CDH9: variants seen among roughly 807,000 people sequenced by gnomAD.
CDH9 encodes the protein cadherin-9.
A neutral mutation model predicts 70.9 loss-of-function variants in CDH9; 28 were observed. The observed-to-expected ratio is 0.40, with a 90% CI of 0.29 to 0.54. The LOEUF is 0.54. Among genes scored for constraint, CDH9 ranks in the 20% least tolerant of loss-of-function variants. The pLI is 0.59. For missense variants in CDH9, 874 were observed against 984.4 expected, an observed-to-expected ratio of 0.89 and a Z score of 1.50; for synonymous variants, 409 against 343.1, an observed-to-expected ratio of 1.19 and a Z score of -2.12.
At chr5:26,994,187 C>A (rs1742627943) in intron 1 of CDH9, among the ~76,000 whole-genome samples, 1 of 152,140 alleles carries the variant, frequency 6.6e-6, no homozygotes, top group Admixed American at 6.6e-5. Flanking sequence ...TATGTCTCAT[C>A]CATATCTTAT....
chr5:27,000,059 A>AT (rs575138291), intron 1 of CDH9, among the ~76,000 whole-genome samples: 21 of 152,100 alleles, frequency 1.4e-4, no homozygotes, highest in Non-Finnish European at 2.5e-4. Flanking sequence ...TTGAAAACTT[A>AT]TTTTTTTGTG....
intron 2 of CDH9, among the ~76,000 whole-genome samples, chr5:26,959,455 C>A (rs1181404470): frequency 6.6e-6 from 1 of 151,968 alleles, no homozygotes; most frequent in East Asian, 1.9e-4. Context: ...GATGGTACCT[C>A]AAAAAGTTAA....
Position 26,885,633 on chromosome 5 carries a change from G to T in CDH9, c.1863C>A (p.Leu621=). ...GCTTACTAAGCAGTATGAGGACACA[G>T]AGTAGAATCGCAACGAGAGCTCCCG... ...LSTGALVAIL[L]CVLILLILVV... Residue 621 remains leucine (L), a synonymous_variant, in exon 11 of 12, where the codon CTC becomes CTA. Coordinates refer to ENST00000231021, the MANE Select transcript of CDH9 (RefSeq NM_016279.4). 1 of 1,613,292 alleles carries T rather than the reference G, an allele frequency of 6.2e-7. No individual in the cohort carries two copies. Among genetic ancestry groups the T allele is most frequent in the Non-Finnish European group, 8.5e-7 (1 of 1,179,762 alleles).
intron 1 of CDH9, among the ~76,000 whole-genome samples, chr5:27,010,018 T>A (rs1366329169): frequency 1.3e-5 from 2 of 152,056 alleles, no homozygotes; most frequent in East Asian, 3.9e-4. Context: ...CTTGGCGGAG[T>A]CCTTAATCTT....
intron 2 of CDH9, among the ~76,000 whole-genome samples, chr5:26,983,984 T>C (rs1170698637): frequency 1.3e-5 from 2 of 152,146 alleles, no homozygotes; most frequent in African/African-American, 4.8e-5. Context: ...ACTCCACCTT[T>C]TGATACACAA....
At chr5:26,937,373 C>T (rs10473821) in intron 2 of CDH9, among the ~76,000 whole-genome samples, 3,671 of 152,084 alleles carry the variant, frequency 0.024, 139 homozygotes, top group African/African-American at 0.085. Flanking sequence ...ACATTAAATG[C>T]CAGTAAGGAT....
rs761788673 is a variant in CDH9 at position 26,906,077 on chromosome 5, C to G, written c.693G>C (p.Gln231His). ...LPDMSRENRE[Q>H]YQVVIQAKDM... ...CTTTGGCCTGTATAACAACCTGGTACTGCTCTCTATTTTCTCTGCTCATGT... is the reference window on the plus strand; with the variant it reads ...CTTTGGCCTGTATAACAACCTGGTAGTGCTCTCTATTTTCTCTGCTCATGT... Residue 231 changes from glutamine to histidine, a missense_variant, in exon 5 of 12, where the codon CAG becomes CAC. By Grantham distance (24) the Gln-to-His change is conservative. Coordinates refer to ENST00000231021, the MANE Select transcript of CDH9 (RefSeq NM_016279.4). 1 of 1,613,678 alleles carries G rather than the reference C, an allele frequency of 6.2e-7. No individual in the cohort carries two copies. The highest frequency in any genetic ancestry group is 2.2e-5 in the East Asian group (1 of 44,876).
chr5:26,928,906 A>G (rs1029707187), intron 2 of CDH9, among the ~76,000 whole-genome samples: 7 of 151,906 alleles, frequency 4.6e-5, no homozygotes, highest in African/African-American at 1.7e-4. Flanking sequence ...AAAACATTTG[A>G]TAACCTCTCC....
intron 1 of CDH9, among the ~76,000 whole-genome samples, chr5:27,036,993 T>C (rs997122511): frequency 6.6e-6 from 1 of 152,034 alleles, no homozygotes; most frequent in Non-Finnish European, 1.5e-5. Context: ...GCCAGTTTTA[T>C]AGTTGCAAAA....
chr5:26,930,345 G>GTA (rs1741421000), intron 2 of CDH9, among the ~76,000 whole-genome samples: 1 of 151,882 alleles, frequency 6.6e-6, no homozygotes, highest in Non-Finnish European at 1.5e-5. Flanking sequence ...TTGTCCCTTG[G>GTA]TATAGATGGA....
chr5:26,935,915 C>A (rs1741550757), intron 2 of CDH9, among the ~76,000 whole-genome samples: 2 of 152,164 alleles, frequency 1.3e-5, no homozygotes. Context: ...GACTACTACT[C>A]AGCCATGACA....
intron 2 of CDH9, among the ~76,000 whole-genome samples, chr5:26,940,848 A>T (rs1579464637): frequency 6.6e-6 from 1 of 152,382 alleles, no homozygotes; most frequent in Admixed American, 6.5e-5. Context: ...TTAAAAAACC[A>T]AGGGCACCTT....
At chr5:26,998,231 G>A (rs1742700815) in intron 1 of CDH9, among the ~76,000 whole-genome samples, 1 of 152,052 alleles carries the variant, frequency 6.6e-6, no homozygotes, top group Non-Finnish European at 1.5e-5. Flanking sequence ...AAAATCAGAG[G>A]AAAAGATTGC....
intron 1 of CDH9, among the ~76,000 whole-genome samples, chr5:27,031,346 G>C (rs763141330): frequency 1.3e-5 from 2 of 151,728 alleles, no homozygotes; most frequent in Non-Finnish European, 2.9e-5. Context: ...TTATTTTTAA[G>C]TGGTTAGGAT....
chr5:26,885,918 G>A (rs749075979), intron 10 of CDH9, 48 bp downstream of exon 10: 3 of 1,598,214 alleles, frequency 1.9e-6, no homozygotes, highest in Non-Finnish European at 2.6e-6. Context: ...GTTTTTAACT[G>A]TGTATCTTAA....
intron 1 of CDH9, among the ~76,000 whole-genome samples, chr5:27,017,528 A>T (rs537675972): frequency 9.4e-4 from 143 of 152,096 alleles, no homozygotes; most frequent in Non-Finnish European, 1.8e-3. Flanking sequence ...GTAGGTGAAA[A>T]GCCTGTTCAC....
At chr5:26,928,231 A>AC (rs1442458828) in intron 2 of CDH9, among the ~76,000 whole-genome samples, 3 of 152,074 alleles carry the variant, frequency 2.0e-5, no homozygotes, top group Non-Finnish European at 2.9e-5. Context: ...AAATGAAGAA[A>AC]CTTATCCCAT....
chr5:26,982,536 A>G (rs548245944), intron 2 of CDH9, among the ~76,000 whole-genome samples: 5 of 152,330 alleles, frequency 3.3e-5, no homozygotes, highest in Middle Eastern at 3.4e-3. Context: ...TAGTAGCTAA[A>G]TATTAATTTT....
chr5:26,999,879 C>T, intron 1 of CDH9, among the ~76,000 whole-genome samples: 1 of 152,036 alleles, frequency 6.6e-6, no homozygotes, highest in East Asian at 1.9e-4. Flanking sequence ...AAAAATATTA[C>T]AAAATTTCTC....
Sources: allele counts gnomAD v4.1 joint callset (sites outside exome capture counted in the v4.1 genomes callset), GRCh38; gene constraint gnomAD v4.1.1; transcripts MANE v1.5; gene names NCBI Gene and HGNC (gene_info 2026-07-23, HGNC 2026-07-21).